Variants in SPTBN5 observed in about 807,000 individuals in gnomAD.
SPTBN5 encodes spectrin beta chain, non-erythrocytic 5.
A neutral mutation model predicts 477.6 loss-of-function variants in SPTBN5; 513 were observed. The observed-to-expected ratio is 1.07, with a 90% CI of 1.00 to 1.16. The LOEUF (loss-of-function observed/expected upper bound fraction) is 1.16. Ranked by LOEUF, SPTBN5 falls within the 50% of genes most tolerant of loss-of-function variation. The pLI, the probability that SPTBN5 is intolerant of heterozygous loss-of-function variation, is 0.00. For missense variants in SPTBN5, 5,062 were observed against 4,731.8 expected, an observed-to-expected ratio of 1.07 and a Z score of -2.05; for synonymous variants, 2,169 against 2,011.7, an observed-to-expected ratio of 1.08 and a Z score of -2.09.
rs1011327145 is a variant in SPTBN5 at position 41,885,679 on chromosome 15, G to A, written c.1520+56C>T. 48 of 1,511,470 alleles carry A rather than the reference G, an allele frequency of 3.2e-5. No homozygotes were observed. The South Asian group carries it at 3.5e-4, about 11-fold the overall frequency. 93.6% of individuals were successfully genotyped at this position (1,511,470 alleles called of 1,614,324 possible). On this transcript the variant is annotated intron_variant, in intron 7 of 67. Transcript: ENST00000320955. ...TGGGCACATGACATGGAAGGATGGG[G>A]GTGTGGTAGGACAGCCTCAGCCAGC...
intron 13 of SPTBN5, 131 bp downstream of exon 13, chr15:41,880,903 C>T: frequency 2.5e-6 from 2 of 801,286 alleles, no homozygotes; most frequent in Non-Finnish European, 2.0e-6. Context: ...TGTCTGACAT[C>T]TTCTCAGCCA....
Position 41,879,430 on chromosome 15 carries a change from ACTGCACACTTCCACACTGTGTGCCAG to A in SPTBN5, c.2986_3011del (p.Leu996PhefsTer96). The A allele has an allele frequency of 6.2e-7, 1 of 1,609,416 alleles. No individual in the cohort carries two copies. The highest frequency in any genetic ancestry group is 1.7e-5 in the Admixed American group (1 of 59,728). On this transcript the variant is annotated frameshift_variant, in exon 16 of 68. Transcript: ENST00000320955. LOFTEE classifies it high-confidence loss of function. ...GTGTGGGTCCACACTCCTGCAGAAAACTGCACACTTCCACACTGTGTGCCAGCTGCACGGCCTTCTCCCTCTTCAGG... is the reference window on the plus strand; with the variant it reads ...GTGTGGGTCCACACTCCTGCAGAAAACTGCACGGCCTTCTCCCTCTTCAGG...
In SPTBN5 at chr15:41,855,609, G is replaced by C. The variant is rs769428545; in HGVS notation, c.9158C>G (p.Pro3053Arg). ...TGTCTGCTGCAGCCGCTCGATGCGT[G>C]GGCTGAACGCTTCCAGGTCTCTCTT... ...ATKRDLEAFS[P>R]RIERLQQTAA... Residue 3053 changes from proline to arginine, a missense_variant, in exon 54 of 68, where the codon CCA (proline) becomes CGA (arginine). By Grantham distance (103) the Pro-to-Arg change is moderately radical. Coordinates refer to ENST00000320955, the MANE Select transcript of SPTBN5 (RefSeq NM_016642.4). The C allele has an allele frequency of 1.6e-5, 25 of 1,611,330 alleles. No homozygotes were observed. The highest frequency in any genetic ancestry group is 2.0e-5 in the Non-Finnish European group (24 of 1,179,756).
At chr15:41,850,713 G>GAAAAAACA in intron 66 of SPTBN5, 141 bp downstream of exon 66, 1 of 764,798 alleles carries the variant, frequency 1.3e-6, no homozygotes, top group Non-Finnish European at 2.1e-6. Context: ...AATTCTTTGA[G>GAAAAAACA]GAAAAACAGT....
chr15:41,866,888 G>A (rs1036418474), intron 36 of SPTBN5, 71 bp downstream of exon 36: 67 of 1,470,666 alleles, frequency 4.6e-5, no homozygotes, highest in South Asian at 2.9e-4. Flanking sequence ...ACAGTGTTGC[G>A]GTGTGAAGGC....
Position 41,852,925 on chromosome 15 carries a change from A to T in SPTBN5, c.10246T>A (p.Cys3416Ser). 1 of 1,590,408 alleles carries T rather than the reference A, an allele frequency of 6.3e-7. No individual in the cohort carries two copies. Among genetic ancestry groups the T allele is most frequent in the Non-Finnish European group, 8.6e-7 (1 of 1,169,334 alleles). ...TTCTGCAGGCCCCAGCTCTCGGCAC[A>T]GCGTTGCCAGCGCAGGGCCCAAGCC... ...EEAWALRWQR[C>S]AESWGLQKLR... The change falls in exon 60 of 68, where the codon TGT becomes AGT. Residue 3416 changes from cysteine (C) to serine (S), a missense_variant. By Grantham distance (112) the Cys-to-Ser change is moderately radical (BLOSUM62 -1). Transcript: ENST00000320955.
chr15:41,851,713 C>T, intron 63 of SPTBN5, 66 bp downstream of exon 63: 1 of 1,278,072 alleles, frequency 7.8e-7, no homozygotes, highest in Non-Finnish European at 1.1e-6. Flanking sequence ...CCAGATGGCT[C>T]TTCGAGCCAC....
At position 41,851,151 on chromosome 15, in the gene SPTBN5, C is replaced by G. The variant is rs781748453; in HGVS notation, c.10744-1G>C. 2.1e-5 allele frequency: 34 copies of G among 1,612,548 alleles called. No individual in the cohort carries two copies. Among genetic ancestry groups the G allele is most frequent in the Non-Finnish European group, 2.8e-5 (33 of 1,179,570 alleles). On this transcript the variant is annotated splice_acceptor_variant, in intron 64 of 67. Transcript: ENST00000320955. LOFTEE classifies it high-confidence loss of function. The stretch of plus-strand genomic sequence containing the variant: ...CAAGGAGGGCTATGGAAGCTACTTT[C>G]TGAGGAGAGATGAGAGGCAGGGGTC...
chr15:41,860,873 C>T (rs1340026044), intron 46 of SPTBN5, 115 bp from the exon 47 acceptor site: 33 of 1,041,532 alleles, frequency 3.2e-5, no homozygotes, highest in East Asian at 3.1e-4. Context: ...GCGGCTGCTC[C>T]GCCCAAACAC....
intron 17 of SPTBN5, 149 bp from the exon 18 acceptor site, chr15:41,877,505 C>T: frequency 8.3e-7 from 1 of 1,207,186 alleles, no homozygotes; most frequent in Non-Finnish European, 1.1e-6. Context: ...TGCAGGGGTT[C>T]CCAATCCCCC....
At position 41,882,265 on chromosome 15, in the gene SPTBN5, C is replaced by T; in HGVS notation, c.2247+4G>A. 6.8e-7 allele frequency: 1 copy of T among 1,475,076 alleles called. No individual in the cohort carries two copies. Among genetic ancestry groups the T allele is most frequent in the Non-Finnish European group, 9.0e-7 (1 of 1,114,714 alleles). The allele number at this position is 1,475,076 out of a possible 1,614,324, so 91.4% of individuals were successfully genotyped here. ...CCCACCCCGCCTCCACCCCTCCCCACTACCTGCAGGACCAGCAGGGCTGTC... is the reference window on the plus strand; with the variant it reads ...CCCACCCCGCCTCCACCCCTCCCCATTACCTGCAGGACCAGCAGGGCTGTC... On this transcript the variant is annotated splice_donor_region_variant and intron_variant, in intron 11 of 67. Coordinates refer to ENST00000320955, the MANE Select transcript of SPTBN5 (RefSeq NM_016642.4).
intron 7 of SPTBN5, among the ~76,000 whole-genome samples, chr15:41,884,634 C>T (rs1035474392): frequency 7.2e-5 from 11 of 152,138 alleles, no homozygotes; most frequent in African/African-American, 2.7e-4. Flanking sequence ...CATCGCAAAA[C>T]AAAAGTCAGA....
intron 34 of SPTBN5, 125 bp downstream of exon 34, chr15:41,867,944 T>G: frequency 7.7e-7 from 1 of 1,305,042 alleles, no homozygotes; most frequent in Non-Finnish European, 1.0e-6. Flanking sequence ...CTGGAAGGAC[T>G]TGTGCACAGC....
At chr15:41,861,529 G>C (rs780233485) in intron 45 of SPTBN5, 33 bp from the exon 46 acceptor site, 1 of 1,605,714 alleles carries the variant, frequency 6.2e-7, no homozygotes, top group Admixed American at 1.7e-5. Context: ...GAGACAGTCG[G>C]TGGAGGGTCC....
rs779999242 is a variant in SPTBN5 at position 41,883,083 on chromosome 15, G to C, written c.1805C>G (p.Ser602Cys). The change falls in exon 9 of 68, where the codon TCC (serine) becomes TGC (cysteine). Residue 602 changes from serine to cysteine, a missense_variant. Physicochemically the swap from Ser to Cys is moderately radical, Grantham distance 112. Transcript: ENST00000320955. ...LAQQTAELDS[S>C]LGTSVEVLQA... is the part of the protein sequence containing the mutation. ...CAGCACCTCCACACTGGTGCCCAGG[G>C]AGGAGTCCAGCTCTGCTGTCTGCTG... 4.4e-6 allele frequency: 7 copies of C among 1,600,164 alleles called. No homozygotes were observed. The South Asian group carries it at 7.9e-5, about 18-fold the overall frequency.
At chr15:41,867,153 T>A in intron 35 of SPTBN5, 27 bp from the exon 36 acceptor site, 1 of 1,509,422 alleles carries the variant, frequency 6.6e-7, no homozygotes, top group African/African-American at 1.4e-5. Context: ...CAGCTGCTGC[T>A]CTCCCACCCT....
At chr15:41,855,457 G>A in intron 54 of SPTBN5, 29 bp from the exon 55 acceptor site, 1 of 1,595,034 alleles carries the variant, frequency 6.3e-7, no homozygotes, top group Non-Finnish European at 8.6e-7. Flanking sequence ...AGTCTGGACT[G>A]CAGCCCTGCC....
At chr15:41,867,468 C>A in intron 35 of SPTBN5, 70 bp downstream of exon 35, 1 of 1,451,936 alleles carries the variant, frequency 6.9e-7, no homozygotes, top group Non-Finnish European at 9.7e-7. Flanking sequence ...CCAAGCGCCC[C>A]GTGACCCCCT....
chr15:41,882,625 C>CG lies in SPTBN5; in HGVS notation c.2005dup (p.Arg669ProfsTer19). 6.2e-7 allele frequency: 1 copy of CG among 1,606,754 alleles called. No homozygotes were observed. Among genetic ancestry groups the CG allele is most frequent in the South Asian group, 1.1e-5 (1 of 89,590 alleles). ...GGCGCCTGCGATCTGGCTGAGATCCCGGCCCAGGGCCGCATTCCCCACCCG... is the reference window on the plus strand; with the variant it reads ...GGCGCCTGCGATCTGGCTGAGATCCCGGGCCCAGGGCCGCATTCCCCACCCG... On this transcript the variant is annotated frameshift_variant, in exon 10 of 68. Transcript: ENST00000320955. LOFTEE classifies it high-confidence loss of function.
Sources: allele counts gnomAD v4.1 joint callset (sites outside exome capture counted in the v4.1 genomes callset), GRCh38; gene constraint gnomAD v4.1.1; transcripts MANE v1.5; gene names NCBI Gene and HGNC (gene_info 2026-07-23, HGNC 2026-07-21).